Variants in CALCRL observed in about 807,000 individuals in gnomAD.
The protein encoded by CALCRL is calcitonin gene-related peptide type 1 receptor.
A neutral mutation model predicts 60.4 loss-of-function variants in CALCRL; 27 were observed. The observed-to-expected ratio is 0.45, with a 90% CI of 0.33 to 0.62. The LOEUF (loss-of-function observed/expected upper bound fraction) is 0.62. Ranked by LOEUF, CALCRL falls within the 20% of genes least tolerant of loss-of-function variation. The pLI is 0.03. For missense variants in CALCRL, 424 were observed against 540.7 expected, an observed-to-expected ratio of 0.78 and a Z score of 2.14; for synonymous variants, 190 against 182.6, an observed-to-expected ratio of 1.04 and a Z score of -0.33.
At chr2:187,405,348 T>C (rs189536746) in intron 1 of CALCRL, among the ~76,000 whole-genome samples, 10 of 152,166 alleles carry the variant, frequency 6.6e-5, no homozygotes, top group Admixed American at 5.9e-4. Context: ...GATTTTAACA[T>C]ATTTTAGCGT....
intron 1 of CALCRL, among the ~76,000 whole-genome samples, chr2:187,389,434 A>T (rs1423939917): frequency 6.6e-6 from 1 of 152,116 alleles, no homozygotes; most frequent in Non-Finnish European, 1.5e-5. Flanking sequence ...AGATAGTAAC[A>T]AGTTAATGTG....
chr2:187,404,820 G>C (rs1437427442), intron 1 of CALCRL, among the ~76,000 whole-genome samples: 4 of 151,918 alleles, frequency 2.6e-5, no homozygotes, highest in African/African-American at 9.7e-5. Context: ...GTCAGTATGG[G>C]TATCTGAATA....
chr2:187,413,372 G>A (rs1406304844), intron 1 of CALCRL, among the ~76,000 whole-genome samples: 2 of 152,096 alleles, frequency 1.3e-5, no homozygotes, highest in Non-Finnish European at 2.9e-5. Flanking sequence ...ATTATCAGCT[G>A]TTATATTTTA....
intron 3 of CALCRL, among the ~76,000 whole-genome samples, chr2:187,386,488 A>C: frequency 6.6e-6 from 1 of 152,166 alleles, no homozygotes; most frequent in East Asian, 1.9e-4. Flanking sequence ...TATTCAAATA[A>C]GGTTTCAGGG....
intron 8 of CALCRL, among the ~76,000 whole-genome samples, chr2:187,377,169 G>A (rs947703366): frequency 6.6e-6 from 1 of 152,034 alleles, no homozygotes; most frequent in Non-Finnish European, 1.5e-5. Context: ...GCAAAGAATG[G>A]CAAAATCAGG....
At chr2:187,393,738 T>A (rs1352321908) in intron 1 of CALCRL, among the ~76,000 whole-genome samples, 2 of 152,118 alleles carry the variant, frequency 1.3e-5, no homozygotes, top group African/African-American at 4.8e-5. Flanking sequence ...CTTTCAAGCC[T>A]ATTATAATTT....
At chr2:187,355,255 G>A (rs1686720148) in intron 12 of CALCRL, among the ~76,000 whole-genome samples, 1 of 152,024 alleles carries the variant, frequency 6.6e-6, no homozygotes. Flanking sequence ...GGCAGCTGTG[G>A]TAGAGCCAGG....
intron 10 of CALCRL, among the ~76,000 whole-genome samples, chr2:187,360,133 T>C (rs1686985425): frequency 6.6e-6 from 1 of 152,052 alleles, no homozygotes; most frequent in African/African-American, 2.4e-5. Context: ...ATAAATCTTT[T>C]GCATGCCTTT....
At chr2:187,364,471 T>G (rs945941660) in intron 8 of CALCRL, among the ~76,000 whole-genome samples, 1 of 149,206 alleles carries the variant, frequency 6.7e-6, no homozygotes, top group Non-Finnish European at 1.5e-5. Context: ...TGTGTGTGTG[T>G]TTTTTTTTTA....
chr2:187,387,088 T>C (rs1222619851), intron 3 of CALCRL, among the ~76,000 whole-genome samples: 1 of 152,170 alleles, frequency 6.6e-6, no homozygotes, highest in African/African-American at 2.4e-5. Flanking sequence ...ACAATATTTT[T>C]AAAGGAGAGA....
At chr2:187,374,307 A>G (rs1005554744) in intron 8 of CALCRL, among the ~76,000 whole-genome samples, 9 of 152,168 alleles carry the variant, frequency 5.9e-5, no homozygotes, top group African/African-American at 2.2e-4. Context: ...AATGATAATA[A>G]TAAAGGAAAA....
At chr2:187,349,338 G>A (rs562162727) in intron 14 of CALCRL, among the ~76,000 whole-genome samples, 15 of 151,606 alleles carry the variant, frequency 9.9e-5, no homozygotes, top group Admixed American at 8.6e-4. Flanking sequence ...GTGCATAAAA[G>A]GTGGGAAAGA....
chr2:187,395,748 G>A (rs1489136229), intron 1 of CALCRL, among the ~76,000 whole-genome samples: 1 of 151,910 alleles, frequency 6.6e-6, no homozygotes, highest in Non-Finnish European at 1.5e-5. Flanking sequence ...TCATTCATGA[G>A]GTTCTAGCGA....
At position 187,373,025 on chromosome 2, in the gene CALCRL, A is replaced by G. The variant is rs574691616; in HGVS notation, c.500+5915T>C. ...GTCTAATGCCTTTCTTTGTTGATGG[A>G]GACAAATAAGGCCAGACAATCTTAA... On this transcript the variant is annotated intron_variant, in intron 8 of 14. Coordinates refer to ENST00000392370, the MANE Select transcript of CALCRL (RefSeq NM_005795.6). Among the ~76,000 whole-genome samples the G allele has an allele frequency of 2.8e-4, 43 of 152,258 alleles. No homozygotes were observed. In the South Asian group the frequency reaches 8.1e-3, roughly 29 times the overall value.
intron 12 of CALCRL, among the ~76,000 whole-genome samples, chr2:187,357,894 C>T (rs1019589752): frequency 7.3e-5 from 11 of 150,778 alleles, no homozygotes; most frequent in Non-Finnish European, 1.2e-4. Context: ...ATGTATGTAA[C>T]AAACCTGCAC....
At chr2:187,414,893 A>ATTT (rs751479878) in intron 1 of CALCRL, among the ~76,000 whole-genome samples, 1,324 of 124,180 alleles carry the variant, frequency 0.011, 17 homozygotes, top group African/African-American at 0.038. Context: ...TTTTTTTAAA[A>ATTT]AAAAAAAGGT....
At chr2:187,410,591 T>C (rs2105846437) in intron 1 of CALCRL, among the ~76,000 whole-genome samples, 1 of 152,324 alleles carries the variant, frequency 6.6e-6, no homozygotes, top group Non-Finnish European at 1.5e-5. Flanking sequence ...AAGCCTGTTT[T>C]AGACAGTGGA....
chr2:187,418,583 C>T (rs937113205), intron 1 of CALCRL, among the ~76,000 whole-genome samples: 17 of 152,124 alleles, frequency 1.1e-4, no homozygotes, highest in Non-Finnish European at 2.1e-4. Flanking sequence ...AAGGTTTATT[C>T]ATTCTTACCT....
In CALCRL at chr2:187,380,599, G is replaced by T; in HGVS notation, c.296-20C>A. On this transcript the variant is annotated intron_variant, in intron 6 of 14. Transcript: ENST00000392370. Reference sequence around the variant, plus strand: ...CTTTTTCTTTAAAATTAAAAAAAAAGGGAAAACAGGAATTTAATTAACCTA... The same window carrying T: ...CTTTTTCTTTAAAATTAAAAAAAAATGGAAAACAGGAATTTAATTAACCTA... 1.3e-6 allele frequency: 2 copies of T among 1,585,400 alleles called. No homozygotes were observed. The highest frequency in any genetic ancestry group is 2.2e-5 in the East Asian group (1 of 44,660).
Sources: gnomAD v4.1 joint callset for allele counts (sites outside exome capture counted in the v4.1 genomes callset) on GRCh38, gnomAD v4.1.1 for gene constraint, MANE v1.5 for transcripts, NCBI Gene and HGNC (gene_info 2026-07-23, HGNC 2026-07-21) for gene names.